Variants in RYK observed in about 807,000 individuals in gnomAD.
RYK encodes inactive tyrosine-protein kinase RYK.
Under a neutral mutation model 70.2 loss-of-function variants are expected in RYK, and 21 were observed. That is an observed-to-expected ratio of 0.30 (90% CI 0.21 to 0.43). The LOEUF is 0.43. Ranked by LOEUF, RYK falls within the 20% of genes least tolerant of loss-of-function variation. RYK has a pLI of 1.00. For synonymous variants in RYK, 267 were observed against 278.0 expected, an observed-to-expected ratio of 0.96 and a Z score of 0.39; for missense variants, 604 against 753.3, an observed-to-expected ratio of 0.80 and a Z score of 2.32.
intron 6 of RYK, among the ~76,000 whole-genome samples, chr3:134,201,318 G>A (rs2014011515): frequency 6.6e-6 from 1 of 152,114 alleles, no homozygotes; most frequent in South Asian, 2.1e-4. Flanking sequence ...AGTACTAAGG[G>A]GCAGGTATTG....
chr3:134,248,498 AT>A (rs1427159362), intron 1 of RYK, among the ~76,000 whole-genome samples: 1 of 152,212 alleles, frequency 6.6e-6, no homozygotes, highest in Non-Finnish European at 1.5e-5. Flanking sequence ...TTTGCAGCCT[AT>A]GTCAACACTG....
intron 5 of RYK, among the ~76,000 whole-genome samples, chr3:134,206,177 C>G (rs1484632200): frequency 6.6e-6 from 1 of 152,026 alleles, no homozygotes; most frequent in African/African-American, 2.4e-5. Context: ...AAAAAATTCC[C>G]CTTTGGGACA....
chr3:134,209,608 A>G lies in RYK; in HGVS notation c.589+87T>C, dbSNP rs184994945. On this transcript the variant is annotated intron_variant, in intron 4 of 14. Transcript: ENST00000623711. Reference sequence around the variant, plus strand: ...TTGCAACTATAATCATGAGTTGGACATACTTAAATCTGTGAAAAAACAACA... The same window carrying G: ...TTGCAACTATAATCATGAGTTGGACGTACTTAAATCTGTGAAAAAACAACA... The G allele has an allele frequency of 1.8e-3, 1,688 of 963,286 alleles. 16 individuals carry two copies. The African/African-American group carries it at 0.021, about 12-fold the overall frequency. 59.7% of individuals were successfully genotyped at this position (963,286 alleles called of 1,614,324 possible).
chr3:134,205,300 A>AT (rs2014182673), intron 5 of RYK, among the ~76,000 whole-genome samples: 3 of 152,190 alleles, frequency 2.0e-5, no homozygotes, highest in Non-Finnish European at 4.4e-5. Context: ...CAGCTTTCAA[A>AT]AACACATGGA....
In RYK at chr3:134,188,871, A is replaced by T. The variant is rs187357709; in HGVS notation, c.1068T>A (p.Asn356Lys). ...TTTTGACAAATGCTTGTTTTTCTTT[A>T]TTTGGATCTTTTTCATCTATTAAAA... ...HGILIDEKDP[N>K]KEKQAFVKTV... Residue 356 changes from asparagine to lysine, a missense_variant, in exon 9 of 15, where the codon AAT (asparagine) becomes AAA (lysine). Transcript: ENST00000623711. The T allele has an allele frequency of 1.3e-6, 2 of 1,582,046 alleles. No homozygotes were observed. The highest frequency in any genetic ancestry group is 1.7e-6 in the Non-Finnish European group (2 of 1,156,010).
chr3:134,186,248 G>A (rs912241274), intron 9 of RYK, among the ~76,000 whole-genome samples: 2 of 152,094 alleles, frequency 1.3e-5, no homozygotes, highest in Non-Finnish European at 2.9e-5. Flanking sequence ...TTCAATCTCT[G>A]GAAATTTATA....
intron 1 of RYK, among the ~76,000 whole-genome samples, chr3:134,239,636 G>A (rs531845310): frequency 6.6e-6 from 1 of 152,122 alleles, no homozygotes; most frequent in Admixed American, 6.5e-5. Context: ...GAATTTTTTT[G>A]TAAGTATGAT....
chr3:134,183,463 C>T (rs2013365093), intron 9 of RYK: 2 of 152,572 alleles, frequency 1.3e-5, no homozygotes, highest in African/African-American at 4.8e-5. Context: ...ACAAATGACA[C>T]ACAAGATTAC....
intron 11 of RYK, 120 bp downstream of exon 11, chr3:134,177,821 T>G (rs2013158936): frequency 3.7e-6 from 3 of 808,124 alleles, no homozygotes; most frequent in Non-Finnish European, 5.8e-6. Flanking sequence ...TGTGGTTCAT[T>G]TTGAGGTTCT....
intron 7 of RYK, among the ~76,000 whole-genome samples, chr3:134,192,783 C>T (rs114287558): frequency 6.6e-6 from 1 of 152,174 alleles, no homozygotes; most frequent in African/African-American, 2.4e-5. Context: ...GCCAGGAGAA[C>T]CACATGAAAA....
At chr3:134,229,593 T>C (rs1169199926) in intron 1 of RYK, among the ~76,000 whole-genome samples, 1 of 151,366 alleles carries the variant, frequency 6.6e-6, no homozygotes, top group Non-Finnish European at 1.5e-5. Context: ...ATTAAGAAAA[T>C]GAAATTAAAG....
At chr3:134,190,554 G>C (rs956465539) in intron 8 of RYK, among the ~76,000 whole-genome samples, 1 of 150,088 alleles carries the variant, frequency 6.7e-6, no homozygotes, top group African/African-American at 2.5e-5. Context: ...ACAAACTAAC[G>C]TAAAAAAAAA....
intron 8 of RYK, among the ~76,000 whole-genome samples, chr3:134,190,793 AG>A (rs2013620547): frequency 6.6e-6 from 1 of 152,196 alleles, no homozygotes; most frequent in South Asian, 2.1e-4. Flanking sequence ...TCCCATTCAG[AG>A]ACCAAAAGAA....
At chr3:134,201,830 A>C (rs2014033368) in intron 6 of RYK, among the ~76,000 whole-genome samples, 2 of 152,232 alleles carry the variant, frequency 1.3e-5, no homozygotes, top group African/African-American at 4.8e-5. Flanking sequence ...CTTTCAAAGA[A>C]GTCACAAAGC....
At chr3:134,241,210 G>A (rs1020989804) in intron 1 of RYK, among the ~76,000 whole-genome samples, 3 of 150,710 alleles carry the variant, frequency 2.0e-5, no homozygotes, top group South Asian at 2.1e-4. Context: ...TTAGCCACGC[G>A]TGGTGGTGCA....
chr3:134,225,212 T>C (rs958437974), intron 1 of RYK, among the ~76,000 whole-genome samples: 11 of 152,098 alleles, frequency 7.2e-5, no homozygotes, highest in Admixed American at 5.2e-4. Flanking sequence ...AGAGGAAAAA[T>C]TGTAAATAAT....
intron 1 of RYK, among the ~76,000 whole-genome samples, chr3:134,242,771 G>GA (rs1333051799): frequency 6.6e-6 from 1 of 152,144 alleles, no homozygotes; most frequent in African/African-American, 2.4e-5. Flanking sequence ...AGCACCTTTG[G>GA]AATTGACCAG....
At chr3:134,242,210 C>G (rs1414761977) in intron 1 of RYK, among the ~76,000 whole-genome samples, 3 of 151,574 alleles carry the variant, frequency 2.0e-5, no homozygotes, top group African/African-American at 7.3e-5. Context: ...GAGGCTGAGG[C>G]AGGAGAATTG....
chr3:134,240,818 G>A (rs74945778), intron 1 of RYK, among the ~76,000 whole-genome samples: 1,885 of 152,288 alleles, frequency 0.012, 52 homozygotes, highest in African/African-American at 0.043. Context: ...ACAAAAAAAG[G>A]CTGAGAACCA....
Sources: gnomAD v4.1 joint callset for allele counts (sites outside exome capture counted in the v4.1 genomes callset) on GRCh38, gnomAD v4.1.1 for gene constraint, MANE v1.5 for transcripts, NCBI Gene and HGNC (gene_info 2026-07-23, HGNC 2026-07-21) for gene names.